Variants in CUL9 observed in about 807,000 individuals in gnomAD.
CUL9 encodes the protein cullin-9.
A neutral mutation model predicts 272.6 loss-of-function variants in CUL9; 79 were observed. The observed-to-expected ratio is 0.29, with a 90% CI of 0.24 to 0.35. The LOEUF (loss-of-function observed/expected upper bound fraction) is 0.35, where lower values mean the gene tolerates loss of function less well. Ranked by LOEUF, CUL9 falls within the 10% of genes least tolerant of loss-of-function variation. The pLI is 1.00. For missense variants in CUL9, 2,532 were observed against 3,255.6 expected, an observed-to-expected ratio of 0.78 and a Z score of 5.41; for synonymous variants, 1,186 against 1,286.5, an observed-to-expected ratio of 0.92 and a Z score of 1.67.
At chr6:43,191,252 T>TTTTGTGTG (rs773987863) in intron 8 of CUL9, among the ~76,000 whole-genome samples, 1 of 126,974 alleles carries the variant, frequency 7.9e-6, no homozygotes, top group East Asian at 2.2e-4. Context: ...CTAAATTGCA[T>TTTTGTGTG]TGTGTGTGTG....
rs1183930499 is a variant in CUL9 at position 43,215,072 on chromosome 6, T to C, written c.5689-7T>C. The C allele has an allele frequency of 6.3e-7, 1 of 1,594,208 alleles. No individual in the cohort carries two copies. Among genetic ancestry groups the C allele is most frequent in the African/African-American group, 1.3e-5 (1 of 74,350 alleles). On this transcript the variant is annotated splice_region_variant and splice_polypyrimidine_tract_variant and intron_variant, in intron 29 of 40. Transcript: ENST00000252050. ...AGTGGACTTCTTGTTTCTTTCCTCC[T>C]ATCCAGGTGCTGGAGGCCTGGCAGA...
At chr6:43,188,917 G>A (rs1773165339) in intron 8 of CUL9, 3 of 494,876 alleles carry the variant, frequency 6.1e-6, no homozygotes, top group South Asian at 3.4e-5. Flanking sequence ...CACTGTGCTA[G>A]TATTTTACAT....
intron 9 of CUL9, 126 bp from the exon 10 acceptor site, chr6:43,195,941 TTC>T (rs1773956044): frequency 3.0e-6 from 2 of 671,466 alleles, no homozygotes; most frequent in African/African-American, 1.8e-5. Flanking sequence ...CCTCTTCCAT[TTC>T]TGTCTCCTAC....
intron 29 of CUL9, 128 bp downstream of exon 29, chr6:43,214,040 C>T: frequency 1.1e-6 from 1 of 906,512 alleles, no homozygotes; most frequent in Non-Finnish European, 1.7e-6. Context: ...TTTTCTGTTC[C>T]TGACAGAGCA....
rs779927426 is a variant in CUL9 at position 43,203,821 on chromosome 6, A to G, written c.4026-33A>G. ...TGGAGGCCTCTGGGAAATCGGTGCC[A>G]TTAATCCTCCGCCATGCACTGTTTG... On this transcript the variant is annotated intron_variant, in intron 19 of 40. Transcript: ENST00000252050. The surrounding 1 kb of genome is among the most constrained non-coding windows in gnomAD (Gnocchi z 5.0). The G allele has an allele frequency of 3.8e-6, 6 of 1,574,822 alleles. No homozygotes were observed. In the African/African-American group the frequency reaches 6.7e-5, roughly 18 times the overall value.
rs752201267 is a variant in CUL9, at chr6:43,220,530, C to T, written c.6354C>T (p.Ala2118=). The T allele has an allele frequency of 3.7e-6, 6 of 1,613,980 alleles. No individual in the cohort carries two copies. Among genetic ancestry groups the T allele is most frequent in the Middle Eastern group, 1.6e-4 (1 of 6,084 alleles). Residue 2118 remains alanine (A), a synonymous_variant, in exon 32 of 41, where the codon GCC becomes GCT. Coordinates refer to ENST00000252050, the MANE Select transcript of CUL9 (RefSeq NM_015089.4). This position sits in a 1 kb window ranked among gnomAD's most constrained non-coding sequence, Gnocchi z 4.9. ...NLVLNCTCPI[A]DCPAQPTGAF... The stretch of plus-strand genomic sequence containing the variant: ...TTTTGAATTGCACCTGCCCCATTGC[C>T]GACTGCCCCGCCCAGCCCACCGGAG...
At position 43,199,766 on chromosome 6, in the gene CUL9, C is replaced by T. The variant is rs1241011074; in HGVS notation, c.3157-163C>T. 2.0e-5 allele frequency among the ~76,000 whole-genome samples: 3 copies of T among 152,186 alleles called. No homozygotes were observed. Among genetic ancestry groups the T allele is most frequent in the Non-Finnish European group, 4.4e-5 (3 of 68,034 alleles). ...CAACTCACTCTGGAGTCCCAGCACTCCTCTATTTTACTCCACCCTGAATTT... is the reference window on the plus strand; with the variant it reads ...CAACTCACTCTGGAGTCCCAGCACTTCTCTATTTTACTCCACCCTGAATTT... On this transcript the variant is annotated intron_variant, in intron 13 of 40. Transcript: ENST00000252050. The surrounding 1 kb of genome is among the most constrained non-coding windows in gnomAD (Gnocchi z 4.4).
intron 26 of CUL9, among the ~76,000 whole-genome samples, chr6:43,209,790 C>T (rs966534977): frequency 1.3e-5 from 2 of 151,384 alleles, no homozygotes; most frequent in African/African-American, 4.9e-5. Flanking sequence ...GGACCATAGG[C>T]GTGTGCCACC....
Position 43,187,961 on chromosome 6 carries a change from G to C in CUL9, c.1830G>C (p.Glu610Asp). 1 of 1,614,054 alleles carries C rather than the reference G, an allele frequency of 6.2e-7. No homozygotes were observed. Among genetic ancestry groups the C allele is most frequent in the South Asian group, 1.1e-5 (1 of 91,064 alleles). Residue 610 changes from glutamate (E) to aspartate (D), a missense_variant, in exon 7 of 41, where the codon GAG becomes GAC. Around this residue, in one of 3 missense-constraint regions of CUL9, gnomAD observed 2,218 missense variants for 2,788.6 expected, o/e 0.80. Transcript: ENST00000252050. ...CCAGCTTCTCAGAGGAAGAGACTGA[G>C]TCCCTCAAAGCAAAGGCCGAGGCCC... ...SEASFSEEET[E>D]SLKAKAEAPK...
At position 43,216,200 on chromosome 6, in the gene CUL9, A is replaced by G. The variant is rs1224886911; in HGVS notation, c.5979A>G (p.Ala1993=). 1 of 1,613,106 alleles carries G rather than the reference A, an allele frequency of 6.2e-7. No individual in the cohort carries two copies. ...CCCTGGCATCTCTACAGCTGCCTGC[A>G]GGCCGCACCATGAGCCCCCAGGAAG... The part of the protein sequence containing the change: ...VATLASLQLP[A]GRTMSPQEVE... The change falls in exon 31 of 41, where the codon GCA becomes GCG. Residue 1993 remains alanine, a synonymous_variant. Coordinates refer to ENST00000252050, the MANE Select transcript of CUL9 (RefSeq NM_015089.4).
In CUL9 at chr6:43,218,968, G is replaced by A. The variant is rs1776133485; in HGVS notation, c.6283-1491G>A. On this transcript the variant is annotated intron_variant, in intron 31 of 40. Transcript: ENST00000252050. The surrounding 1 kb of genome is among the most constrained non-coding windows in gnomAD (Gnocchi z 4.4). The stretch of plus-strand genomic sequence containing the variant: ...AAGCCTGTAAAGATACAGAGACGGG[G>A]GGTCTCAGGAGTTTGAGACCAGCCT... Among the ~76,000 whole-genome samples, 1 of 152,018 alleles carries A rather than the reference G, an allele frequency of 6.6e-6. No homozygotes were observed. The highest frequency in any genetic ancestry group is 1.5e-5 in the Non-Finnish European group (1 of 68,014).
chr6:43,219,684 T>C (rs1430877635), intron 31 of CUL9, among the ~76,000 whole-genome samples: 3 of 152,128 alleles, frequency 2.0e-5, no homozygotes, highest in Non-Finnish European at 4.4e-5. Context: ...GGCATGGCCA[T>C]AGGCAGTGTG....
intron 31 of CUL9, among the ~76,000 whole-genome samples, chr6:43,219,190 A>AAGAG (rs141684867): frequency 1.1e-4 from 17 of 150,014 alleles, no homozygotes; most frequent in Non-Finnish European, 1.6e-4. Flanking sequence ...CTTTGTTTAA[A>AAGAG]AGAGAGAGAG....
chr6:43,189,110 T>A (rs1485282712), intron 8 of CUL9, among the ~76,000 whole-genome samples: 1 of 150,106 alleles, frequency 6.7e-6, no homozygotes, highest in African/African-American at 2.5e-5. Context: ...TTTCTCTTTC[T>A]TTTTCTTTTT....
In CUL9 at chr6:43,223,323, T is replaced by C; in HGVS notation, c.7210T>C (p.Cys2404Arg). The C allele has an allele frequency of 1.9e-6, 3 of 1,602,276 alleles. No homozygotes were observed. In the East Asian group the frequency reaches 6.7e-5, roughly 36 times the overall value. ...CTCCCTGCGCCTCCTGCGGGCCGAC[T>C]GCCTCAGCACGGGCATGGAGCTGCT... ...ASSLRLLRAD[C>R]LSTGMELLRR... Residue 2404 changes from cysteine (C) to arginine (R), a missense_variant, in exon 39 of 41, where the codon TGC (cysteine) becomes CGC (arginine). Physicochemically the swap from Cys to Arg is radical, Grantham distance 180. Around this residue, in one of 3 missense-constraint regions of CUL9, gnomAD observed 237 missense variants for 305.9 expected, o/e 0.77. Transcript: ENST00000252050. The surrounding 1 kb of genome is among the most constrained non-coding windows in gnomAD (Gnocchi z 4.1).
Position 43,202,358 on chromosome 6 carries a change from C to T in CUL9, c.3648-358C>T, listed in dbSNP as rs577675999. Among the ~76,000 whole-genome samples the T allele has an allele frequency of 2.6e-5, 4 of 152,190 alleles. No individual in the cohort carries two copies. In the East Asian group the frequency reaches 7.7e-4, roughly 29 times the overall value. On this transcript the variant is annotated intron_variant, in intron 16 of 40. Transcript: ENST00000252050. Reference sequence around the variant, plus strand: ...GATAGAGATGTGTATTTGGAGTCCTCTGTGTATTAATTTTCAGTTGAAACT... The same window carrying T: ...GATAGAGATGTGTATTTGGAGTCCTTTGTGTATTAATTTTCAGTTGAAACT...
chr6:43,210,106 G>A (rs981281780), intron 26 of CUL9, among the ~76,000 whole-genome samples: 1 of 152,100 alleles, frequency 6.6e-6, no homozygotes, highest in African/African-American at 2.4e-5. Context: ...AGCCTCCCGA[G>A]TAGCTGGGAT....
chr6:43,206,593 G>A lies in CUL9; in HGVS notation c.5212+83G>A, dbSNP rs1775064315. ...GGAAGAGGAGAGGACCTTTGGACAG[G>A]ATATAGATGTGAAGAAAAATATCAG... On this transcript the variant is annotated intron_variant, in intron 26 of 40. Transcript: ENST00000252050. The surrounding 1 kb of genome is among the most constrained non-coding windows in gnomAD (Gnocchi z 4.8). 1.6e-6 allele frequency: 2 copies of A among 1,283,142 alleles called. No homozygotes were observed. Among genetic ancestry groups the A allele is most frequent in the South Asian group, 2.7e-5 (2 of 75,372 alleles). The allele number at this position is 1,283,142 out of a possible 1,614,324, so 79.5% of individuals were successfully genotyped here. A position where few individuals can be genotyped will look rare whatever the true frequency, so the allele number is the denominator to read the frequency against.
intron 1 of CUL9, among the ~76,000 whole-genome samples, chr6:43,183,812 G>T (rs1049244809): frequency 1.3e-5 from 2 of 151,298 alleles, no homozygotes; most frequent in African/African-American, 4.9e-5. Context: ...GAGTACAGTG[G>T]CGCGGTCTTG....
Sources: allele counts gnomAD v4.1 joint callset (sites outside exome capture counted in the v4.1 genomes callset), GRCh38; gene constraint gnomAD v4.1.1; regional missense constraint gnomAD v4.1.1; non-coding constraint Gnocchi (gnomAD v3.1); transcripts MANE v1.5; gene names NCBI Gene and HGNC (gene_info 2026-07-23, HGNC 2026-07-21).